Variants in COL4A5 observed in about 807,000 individuals in gnomAD.
The protein encoded by COL4A5 is collagen type IV alpha 5 chain, also known as collagen alpha-5(IV) chain.
A neutral mutation model predicts 130.2 loss-of-function variants in COL4A5; 26 were observed. That is an observed-to-expected ratio of 0.20 (90% CI 0.15 to 0.28). The LOEUF (loss-of-function observed/expected upper bound fraction) is 0.28. Among genes scored for constraint, COL4A5 ranks in the 10% least tolerant of loss-of-function variants. The pLI is 1.00. For missense variants in COL4A5, 1,131 were observed against 1,344.3 expected (o/e 0.84, Z 2.48); for synonymous variants, 496 against 439.6 (o/e 1.13, Z -1.60).
At chrX:108,480,309 C>T (rs149020718) in intron 1 of COL4A5, among the ~76,000 whole-genome samples, 338 of 112,265 alleles carry the variant, frequency 3.0e-3, no homozygotes, top group African/African-American at 0.011. Context: ...ACTACTGGAC[C>T]CCTAGAAATT....
intron 1 of COL4A5, among the ~76,000 whole-genome samples, chrX:108,448,665 A>G (rs1015988967): frequency 8.9e-6 from 1 of 112,312 alleles, no homozygotes; most frequent in Admixed American, 9.4e-5. Flanking sequence ...GAAGATAGTC[A>G]TGGTGGTGTC....
In COL4A5 at chrX:108,466,625, G is replaced by T. The variant is rs763451361; in HGVS notation, c.81+26419G>T. On this transcript the variant is annotated intron_variant, in intron 1 of 52. Transcript: ENST00000328300. ...TCAGTATTTTTTTTTTTAGACTTAAGGTCTTGCTCTGTTGCCCAGGCTGGA... is the reference window on the plus strand; with the variant it reads ...TCAGTATTTTTTTTTTTAGACTTAATGTCTTGCTCTGTTGCCCAGGCTGGA... 1.3e-3 allele frequency among the ~76,000 whole-genome samples: 140 copies of T among 110,389 alleles called. 1 individual carries two copies. The highest frequency in any genetic ancestry group is 3.5e-3 in the African/African-American group (105 of 30,413).
chrX:108,563,008 T>A (rs1057155450), intron 3 of COL4A5, among the ~76,000 whole-genome samples: 1 of 111,139 alleles, frequency 9.0e-6, no homozygotes, highest in Non-Finnish European at 1.9e-5. Flanking sequence ...TTAATATACA[T>A]TGTAGACATC....
intron 13 of COL4A5, 76 bp downstream of exon 13, chrX:108,578,459 A>T: frequency 1.4e-6 from 1 of 696,968 alleles, no homozygotes; most frequent in Non-Finnish European, 2.3e-6. Context: ...TAATCACATC[A>T]CAATGTATAT....
intron 2 of COL4A5, among the ~76,000 whole-genome samples, chrX:108,548,788 T>C (rs987520542): frequency 9.0e-6 from 1 of 111,566 alleles, no homozygotes; most frequent in Non-Finnish European, 1.9e-5. Context: ...GACAGACTTC[T>C]CATCAAAAAG....
chrX:108,466,490 G>A (rs748502000), intron 1 of COL4A5, among the ~76,000 whole-genome samples: 1 of 111,598 alleles, frequency 9.0e-6, no homozygotes, highest in Admixed American at 9.5e-5. Flanking sequence ...TCTTCATTGT[G>A]GTTTTGATTT....
intron 23 of COL4A5, 73 bp downstream of exon 23, chrX:108,597,141 C>CAT (rs757575672): frequency 1.2e-5 from 11 of 884,654 alleles, no homozygotes; most frequent in South Asian, 1.1e-4. Flanking sequence ...TTCAATTATT[C>CAT]ATATATATAC....
chrX:108,455,550 A>G (rs930310226), intron 1 of COL4A5, among the ~76,000 whole-genome samples: 1 of 112,070 alleles, frequency 8.9e-6, no homozygotes, highest in Non-Finnish European at 1.9e-5. Context: ...GAACGTTTCC[A>G]TTACCTTGGA....
At position 108,542,232 on chromosome X, in the gene COL4A5, A is replaced by G. The variant is rs1276262538; in HGVS notation, c.141+2427A>G. The stretch of plus-strand genomic sequence containing the variant: ...CATTAGCTCGTCATTTACATTAGGT[A>G]TATCTCCTAATGCTATCCTTCCCCC... On this transcript the variant is annotated intron_variant, in intron 2 of 52. Transcript: ENST00000328300. Among the ~76,000 whole-genome samples the G allele has an allele frequency of 4.5e-5, 5 of 110,543 alleles. No individual in the cohort carries two copies. In the Admixed American group the frequency reaches 4.8e-4, roughly 11 times the overall value.
intron 36 of COL4A5, among the ~76,000 whole-genome samples, chrX:108,638,036 T>C (rs1164976386): frequency 9.1e-6 from 1 of 110,327 alleles, no homozygotes; most frequent in Non-Finnish European, 1.9e-5. Flanking sequence ...TCCAAAAAAA[T>C]TGAAGAGGAG....
At chrX:108,694,522 G>A in intron 50 of COL4A5, 1 of 344,253 alleles carries the variant, frequency 2.9e-6, no homozygotes, top group Non-Finnish European at 5.2e-6. Context: ...CGGCAATTGA[G>A]GCATTGACTA....
intron 2 of COL4A5, among the ~76,000 whole-genome samples, chrX:108,558,633 A>C (rs2065861804): frequency 1.8e-5 from 2 of 111,804 alleles, no homozygotes; most frequent in Non-Finnish European, 1.9e-5. Flanking sequence ...AAAAGTAATA[A>C]AAGTTTTGAT....
chrX:108,481,691 G>A (rs1036176177), intron 1 of COL4A5, among the ~76,000 whole-genome samples: 8 of 111,352 alleles, frequency 7.2e-5, no homozygotes, highest in Admixed American at 4.8e-4. Context: ...CCACTTGGCC[G>A]CTGCCACCTC....
intron 47 of COL4A5, 90 bp from the exon 48 acceptor site, chrX:108,685,941 T>G (rs2068534046): frequency 1.3e-6 from 1 of 768,195 alleles, no homozygotes; most frequent in East Asian, 3.4e-5. Context: ...AAATTGTGAA[T>G]TCAGTGTCTC....
intron 1 of COL4A5, among the ~76,000 whole-genome samples, chrX:108,523,025 G>A (rs1034482310): frequency 2.3e-4 from 25 of 107,974 alleles, no homozygotes; most frequent in African/African-American, 8.4e-4. Context: ...TTACAGGTGC[G>A]CGTGCCACCA....
intron 2 of COL4A5, among the ~76,000 whole-genome samples, chrX:108,540,158 A>G (rs1199508937): frequency 9.0e-6 from 1 of 111,460 alleles, no homozygotes; most frequent in Non-Finnish European, 1.9e-5. Flanking sequence ...CTTTCCCGTA[A>G]CATATTTCTG....
At chrX:108,571,971 G>A (rs978720788) in intron 8 of COL4A5, 134 bp downstream of exon 8, 1 of 533,378 alleles carries the variant, frequency 1.9e-6, no homozygotes, top group Non-Finnish European at 3.3e-6. Flanking sequence ...AAACTTACAA[G>A]CTCTCCTTAA....
intron 1 of COL4A5, among the ~76,000 whole-genome samples, chrX:108,464,521 C>T (rs2064684032): frequency 9.0e-6 from 1 of 111,536 alleles, no homozygotes; most frequent in African/African-American, 3.3e-5. Context: ...TAGGAGGCTT[C>T]TTAAGATTTT....
chrX:108,654,630 A>G (rs2067800599), intron 36 of COL4A5, among the ~76,000 whole-genome samples: 1 of 112,034 alleles, frequency 8.9e-6, no homozygotes, highest in African/African-American at 3.2e-5. Context: ...TATTTTTTGT[A>G]GAGACAGAGT....
Sources: allele counts gnomAD v4.1 joint callset (sites outside exome capture counted in the v4.1 genomes callset), GRCh38; gene constraint gnomAD v4.1.1; transcripts MANE v1.5; gene names NCBI Gene and HGNC (gene_info 2026-07-23, HGNC 2026-07-21).